The following LOC400499 variants were observed in gnomAD, a reference collection of about 807,000 sequenced individuals.
At chr16:11,397,524 C>T in the LOC400499 span, among the ~76,000 whole-genome samples, 3 of 152,190 alleles carry the variant, frequency 2.0e-5, no homozygotes, top group Admixed American at 1.3e-4. Context: ...CTGCCTGCAT[C>T]GGCCTCCCAA....
chr16:11,505,790 G>C, the LOC400499 span, among the ~76,000 whole-genome samples: 1 of 151,892 alleles, frequency 6.6e-6, no homozygotes. Context: ...TATTTTCAGG[G>C]TACCCGTGAA....
the LOC400499 span, chr16:11,392,759 A>G: frequency 1.0e-6 from 1 of 983,570 alleles, no homozygotes; most frequent in South Asian, 4.7e-5. Context: ...TTGAGACACC[A>G]AGGCAGGAGT....
At chr16:11,399,066 G>T in the LOC400499 span, among the ~76,000 whole-genome samples, 1 of 152,160 alleles carries the variant, frequency 6.6e-6, no homozygotes, top group African/African-American at 2.4e-5. Flanking sequence ...TCCATGGCCT[G>T]GTTCCTGCCC....
the LOC400499 span, among the ~76,000 whole-genome samples, chr16:11,407,992 T>G: frequency 2.7e-5 from 4 of 145,680 alleles, no homozygotes; most frequent in East Asian, 8.1e-4. Context: ...TTTTTTTTTT[T>G]TTTTTGAGAA....
At chr16:11,447,248 TG>T in the LOC400499 span, among the ~76,000 whole-genome samples, 3 of 152,158 alleles carry the variant, frequency 2.0e-5, no homozygotes, top group African/African-American at 7.2e-5. Context: ...TGTGTGACCT[TG>T]GGAAAAGGAC....
the LOC400499 span, among the ~76,000 whole-genome samples, chr16:11,474,847 A>AC: frequency 1.3e-5 from 2 of 152,154 alleles, no homozygotes; most frequent in South Asian, 4.1e-4. Flanking sequence ...TCCGGTCTGG[A>AC]CGACAGAGAC....
the LOC400499 span, chr16:11,407,334 G>A: frequency 2.6e-6 from 1 of 381,986 alleles, no homozygotes; most frequent in Non-Finnish European, 4.6e-6. Flanking sequence ...TTGGAGTAGT[G>A]TAGCTGGGTC....
the LOC400499 span, among the ~76,000 whole-genome samples, chr16:11,463,826 CGT>C: frequency 1.4e-3 from 205 of 151,804 alleles, 1 homozygote; most frequent in African/African-American, 4.8e-3. Context: ...TGTGTATGGA[CGT>C]GTGTTTATGG....
At chr16:11,494,699 T>G in the LOC400499 span, 1 of 399,006 alleles carries the variant, frequency 2.5e-6, no homozygotes, top group Admixed American at 4.4e-5. Flanking sequence ...ACAGAGGTTG[T>G]GCACCAGGGC....
the LOC400499 span, chr16:11,383,544 A>AT: frequency 5.1e-6 from 6 of 1,179,508 alleles, no homozygotes; most frequent in Non-Finnish European, 5.3e-6. Flanking sequence ...AATGACAATT[A>AT]TTTGTCCTCC....
the LOC400499 span, among the ~76,000 whole-genome samples, chr16:11,466,614 C>T: frequency 1.3e-5 from 2 of 152,054 alleles, no homozygotes; most frequent in African/African-American, 2.4e-5. Context: ...GTCTTGAACT[C>T]CTGACCTCAG....
the LOC400499 span, among the ~76,000 whole-genome samples, chr16:11,524,202 C>T: frequency 1.0e-4 from 10 of 96,620 alleles, no homozygotes; most frequent in African/African-American, 4.1e-4. Flanking sequence ...CCACTACCCT[C>T]TCCTATCCAT....
chr16:11,510,066 T>G, the LOC400499 span, among the ~76,000 whole-genome samples: 2 of 151,550 alleles, frequency 1.3e-5, no homozygotes, highest in East Asian at 3.9e-4. Context: ...TGCTTCCTAA[T>G]AAAGATGGGT....
At chr16:11,396,635 C>G in the LOC400499 span, 1 of 1,232,098 alleles carries the variant, frequency 8.1e-7, no homozygotes, top group African/African-American at 1.6e-5. Flanking sequence ...CAGCAGGAGT[C>G]CACCCTGGCC....
the LOC400499 span, among the ~76,000 whole-genome samples, chr16:11,456,600 G>A: frequency 1.3e-5 from 2 of 152,110 alleles, no homozygotes; most frequent in Admixed American, 6.5e-5. Flanking sequence ...TCGTTTGTTT[G>A]TTTTTAAAAT....
chr16:11,471,056 G>A, the LOC400499 span, among the ~76,000 whole-genome samples: 5 of 152,204 alleles, frequency 3.3e-5, no homozygotes, highest in Non-Finnish European at 5.9e-5. Flanking sequence ...CACGGCGTCT[G>A]GCTCCTACTT....
chr16:11,480,034 T>A, the LOC400499 span, among the ~76,000 whole-genome samples: 76 of 152,214 alleles, frequency 5.0e-4, no homozygotes, highest in Middle Eastern at 3.4e-3. Flanking sequence ...CTGCCCACCC[T>A]CCCCACAACA....
At chr16:11,395,157 C>T in the LOC400499 span, among the ~76,000 whole-genome samples, 357 of 152,298 alleles carry the variant, frequency 2.3e-3, 12 homozygotes, top group East Asian at 0.054. Flanking sequence ...CTGAGCTCAG[C>T]CCCGCTGGGT....
the LOC400499 span, among the ~76,000 whole-genome samples, chr16:11,505,767 C>T: frequency 6.6e-6 from 1 of 151,966 alleles, no homozygotes; most frequent in Non-Finnish European, 1.5e-5. Flanking sequence ...TGTTGATACA[C>T]AATAGATTCA....
Sources: allele counts gnomAD v4.1 joint callset (sites outside exome capture counted in the v4.1 genomes callset), GRCh38; gene constraint gnomAD v4.1.1; transcripts MANE v1.5.